NTM: variants seen among roughly 807,000 people sequenced by gnomAD.
NTM encodes the protein IgLON family member 2.
NTM carries 13 observed loss-of-function variants against 42.1 expected under a neutral mutation model. The ratio of observed to expected loss-of-function variants is 0.31; its 90% confidence interval spans 0.20 to 0.49. The LOEUF is 0.49. Ranked by LOEUF, NTM falls within the 20% of genes least tolerant of loss-of-function variation. NTM has a pLI of 0.99. For synonymous variants in NTM, 187 were observed against 179.2 expected (o/e 1.04, Z -0.35); for missense variants, 373 against 452.8 (o/e 0.82, Z 1.60).
intron 2 of NTM, among the ~76,000 whole-genome samples, chr11:132,136,389 G>T (rs1030740696): frequency 1.3e-5 from 2 of 152,202 alleles, no homozygotes; most frequent in African/African-American, 2.4e-5. Flanking sequence ...AACAGACAAG[G>T]CCCACCTCGA....
chr11:132,288,650 G>A (rs1052524567), intron 4 of NTM, among the ~76,000 whole-genome samples: 10 of 151,094 alleles, frequency 6.6e-5, no homozygotes, highest in Admixed American at 2.0e-4. Flanking sequence ...ACAGAGTTTC[G>A]CTTTTGTTGC....
intron 2 of NTM, among the ~76,000 whole-genome samples, chr11:131,970,084 A>G (rs906509171): frequency 3.3e-5 from 5 of 152,226 alleles, no homozygotes; most frequent in African/African-American, 9.6e-5. Flanking sequence ...TGCTGAGATT[A>G]CAGATTTGAG....
At chr11:131,463,704 A>G (rs11222653) in intron 1 of NTM, among the ~76,000 whole-genome samples, 11,215 of 152,192 alleles carry the variant, frequency 0.074, 991 homozygotes, top group East Asian at 0.22. Context: ...GCCCCTGCAA[A>G]TACTCTGCTT....
At chr11:131,729,274 GAC>G (rs1735117730) in intron 1 of NTM, among the ~76,000 whole-genome samples, 1 of 152,170 alleles carries the variant, frequency 6.6e-6, no homozygotes, top group African/African-American at 2.4e-5. Context: ...AGGGCCATTA[GAC>G]ACAACGGGTA....
intron 1 of NTM, among the ~76,000 whole-genome samples, chr11:131,901,944 C>G (rs1057372638): frequency 3.9e-5 from 6 of 152,200 alleles, no homozygotes; most frequent in African/African-American, 1.4e-4. Flanking sequence ...CATACCAAAG[C>G]TTTAGGGAAA....
chr11:131,860,202 C>G (rs12419734), intron 1 of NTM, among the ~76,000 whole-genome samples: 73 of 152,256 alleles, frequency 4.8e-4, no homozygotes, highest in African/African-American at 1.7e-3. Flanking sequence ...GAGGGACTGA[C>G]GGGGCCCCCA....
intron 1 of NTM, among the ~76,000 whole-genome samples, chr11:131,867,105 G>A (rs184418041): frequency 6.6e-6 from 1 of 152,318 alleles, no homozygotes; most frequent in East Asian, 1.9e-4. Context: ...AAATTAGCCA[G>A]GAAATTAGCT....
intron 1 of NTM, among the ~76,000 whole-genome samples, chr11:131,747,728 G>A (rs999222039): frequency 3.3e-5 from 5 of 152,162 alleles, no homozygotes; most frequent in Admixed American, 1.3e-4. Flanking sequence ...TGCCAGTCCT[G>A]CCTCTCACTG....
chr11:131,593,778 G>A (rs1040671957), intron 1 of NTM, among the ~76,000 whole-genome samples: 1 of 152,202 alleles, frequency 6.6e-6, no homozygotes, highest in African/African-American at 2.4e-5. Flanking sequence ...CGAGGATCAT[G>A]TTTGTCTGTG....
At chr11:131,543,407 T>C (rs1371282108) in intron 1 of NTM, among the ~76,000 whole-genome samples, 1 of 152,156 alleles carries the variant, frequency 6.6e-6, no homozygotes, top group African/African-American at 2.4e-5. Flanking sequence ...ACGGTACATA[T>C]CCCTAACCTC....
At chr11:131,832,441 AG>A (rs2042940374) in intron 1 of NTM, among the ~76,000 whole-genome samples, 1 of 152,200 alleles carries the variant, frequency 6.6e-6, no homozygotes. Flanking sequence ...GATGGTAAAA[AG>A]GTATCATGAT....
At chr11:132,008,003 G>A (rs1041146343) in intron 2 of NTM, among the ~76,000 whole-genome samples, 4 of 152,136 alleles carry the variant, frequency 2.6e-5, no homozygotes, top group Non-Finnish European at 5.9e-5. Context: ...AATGTTAGGT[G>A]GGCGTTGCTT....
At chr11:132,048,040 A>ACTTG (rs2078264400) in intron 2 of NTM, among the ~76,000 whole-genome samples, 1 of 151,982 alleles carries the variant, frequency 6.6e-6, no homozygotes, top group South Asian at 2.1e-4. Flanking sequence ...CTGCGTGTGT[A>ACTTG]CATGGGCTCA....
chr11:131,699,627 G>T (rs879922307), intron 1 of NTM, among the ~76,000 whole-genome samples: 1 of 152,136 alleles, frequency 6.6e-6, no homozygotes, highest in Non-Finnish European at 1.5e-5. Context: ...TCACAGTTCA[G>T]CAGGGCTGGG....
At position 132,334,898 on chromosome 11, in the gene NTM, C is replaced by T. The variant is rs191397037; in HGVS notation, c.968-148C>T. 4,428 of 1,368,708 alleles carry T rather than the reference C, an allele frequency of 3.2e-3. 13 individuals carry two copies. Among genetic ancestry groups the T allele is most frequent in the Non-Finnish European group, 4.1e-3 (4,158 of 1,021,658 alleles). 84.8% of individuals were successfully genotyped at this position (1,368,708 alleles called of 1,614,324 possible). On this transcript the variant is annotated intron_variant, in intron 8 of 8. Coordinates refer to ENST00000683400, the MANE Select transcript of NTM (RefSeq NM_001352005.2). ...GGGGATGTGGGCCATAGAACGTTCA[C>T]TTCTAATGCTGGGGCTGGAACACCA...
chr11:131,644,146 C>T (rs146837039), intron 1 of NTM, among the ~76,000 whole-genome samples: 122 of 152,274 alleles, frequency 8.0e-4, no homozygotes, highest in African/African-American at 2.9e-3. Flanking sequence ...TCCTTCCCTT[C>T]ATCTTCAGCT....
At chr11:131,635,457 A>G (rs982098590) in intron 1 of NTM, among the ~76,000 whole-genome samples, 4 of 152,202 alleles carry the variant, frequency 2.6e-5, no homozygotes, top group African/African-American at 9.7e-5. Context: ...GAAAATTTAA[A>G]AATAGAAAAA....
intron 2 of NTM, among the ~76,000 whole-genome samples, chr11:132,065,987 A>T (rs1018415253): frequency 6.6e-6 from 1 of 152,118 alleles, no homozygotes; most frequent in Non-Finnish European, 1.5e-5. Flanking sequence ...TTTCCAATGT[A>T]AATTGGGGTT....
At chr11:131,797,172 T>C (rs1180248403) in intron 1 of NTM, among the ~76,000 whole-genome samples, 2 of 152,262 alleles carry the variant, frequency 1.3e-5, no homozygotes, top group African/African-American at 4.8e-5. Flanking sequence ...GATCATTTAT[T>C]AGAAACTAGT....
Sources: gnomAD v4.1 joint callset for allele counts (sites outside exome capture counted in the v4.1 genomes callset) on GRCh38, gnomAD v4.1.1 for gene constraint, MANE v1.5 for transcripts, NCBI Gene and HGNC (gene_info 2026-07-23, HGNC 2026-07-21) for gene names.